Variants in DGKH observed in about 807,000 individuals in gnomAD.
DGKH encodes the protein DAG kinase eta.
DGKH carries 90 observed loss-of-function variants against 159.3 expected under a neutral mutation model. The ratio of observed to expected loss-of-function variants is 0.57; its 90% CI spans 0.48 to 0.67. DGKH has a LOEUF of 0.67. DGKH is among the 30% of genes least tolerant of loss of function. DGKH has a pLI of 0.00. For synonymous variants in DGKH, 536 were observed against 553.8 expected, an observed-to-expected ratio of 0.97 and a Z score of 0.45; for missense variants, 1,181 against 1,506.1, an observed-to-expected ratio of 0.78 and a Z score of 3.57.
chr13:42,175,964 A>G (rs1381402628), intron 12 of DGKH, among the ~76,000 whole-genome samples: 3 of 152,256 alleles, frequency 2.0e-5, no homozygotes, highest in Non-Finnish European at 4.4e-5. Flanking sequence ...GGGTAAATAT[A>G]TACAGAGTGC....
chr13:42,181,441 T>C, intron 13 of DGKH: 1 of 155,588 alleles, frequency 6.4e-6, no homozygotes. Context: ...AAGCTGATTT[T>C]CCATGTCTTC....
chr13:42,104,902 T>A (rs1954718608), intron 1 of DGKH, among the ~76,000 whole-genome samples: 1 of 152,128 alleles, frequency 6.6e-6, no homozygotes, highest in African/African-American at 2.4e-5. Context: ...AGTAAAGCAA[T>A]ATTACTTTTT....
intron 30 of DGKH, among the ~76,000 whole-genome samples, chr13:42,253,802 T>C (rs916555019): frequency 3.9e-5 from 6 of 152,256 alleles, no homozygotes; most frequent in Non-Finnish European, 8.8e-5. Context: ...GGAAAGGTGG[T>C]ACAAATCTGC....
chr13:42,236,114 C>T lies in DGKH; in HGVS notation c.*6926C>T, dbSNP rs1958408116. On this transcript the variant is annotated 3_prime_UTR_variant, in exon 30 of 30. Coordinates refer to ENST00000337343, the MANE Select transcript of DGKH (RefSeq NM_178009.5). ...CTATGTGAGGCAGTGCTGGTGTCAGCAAAGTCAGTAACAGACAGTATTACT... is the reference window on the plus strand; with the variant it reads ...CTATGTGAGGCAGTGCTGGTGTCAGTAAAGTCAGTAACAGACAGTATTACT... 6.6e-6 allele frequency: 1 copy of T among 152,170 alleles called. No homozygotes were observed. The highest frequency in any genetic ancestry group is 1.5e-5 in the Non-Finnish European group (1 of 68,016). 9.4% of individuals were successfully genotyped at this position (152,170 alleles called of 1,614,324 possible).
chr13:42,192,583 TC>T (rs1156615048), intron 16 of DGKH, among the ~76,000 whole-genome samples: 45 of 98,790 alleles, frequency 4.6e-4, no homozygotes, highest in South Asian at 2.2e-3. Context: ...TCCTTCTTCT[TC>T]TTTTTCCTCT....
intron 3 of DGKH, among the ~76,000 whole-genome samples, chr13:42,143,749 C>T (rs1488394639): frequency 1.3e-5 from 2 of 151,902 alleles, no homozygotes; most frequent in African/African-American, 4.8e-5. Flanking sequence ...GGTGATATCC[C>T]CTTTATCATT....
Position 42,065,735 on chromosome 13 carries a change from C to T in DGKH, c.192+16770C>T, listed in dbSNP as rs183504467. Among the ~76,000 whole-genome samples, 5 of 152,048 alleles carry T rather than the reference C, an allele frequency of 3.3e-5. 1 individual carries two copies. Among genetic ancestry groups the T allele is most frequent in the Admixed American group, 1.3e-4 (2 of 15,284 alleles). ...GAAATACTTGGGTGAGGAAGGAGGC[C>T]GGGGTCCCATCGGAGTAAGTAAGGG... On this transcript the variant is annotated intron_variant, in intron 1 of 29. Coordinates refer to ENST00000337343, the MANE Select transcript of DGKH (RefSeq NM_178009.5).
At chr13:42,207,691 G>GTATATA (rs1491101368) in intron 21 of DGKH, among the ~76,000 whole-genome samples, 40 of 5,350 alleles carry the variant, frequency 7.5e-3, no homozygotes, top group African/African-American at 0.01. Context: ...AATTATTAAA[G>GTATATA]TGTGTATATA....
At chr13:42,204,015 G>A (rs1449784319) in intron 20 of DGKH, among the ~76,000 whole-genome samples, 2 of 152,026 alleles carry the variant, frequency 1.3e-5, no homozygotes, top group African/African-American at 2.4e-5. Context: ...TGGACATTAA[G>A]CATTTAGATT....
intron 11 of DGKH, among the ~76,000 whole-genome samples, chr13:42,173,250 C>T (rs1956509428): frequency 6.6e-6 from 1 of 152,140 alleles, no homozygotes; most frequent in Non-Finnish European, 1.5e-5. Context: ...GGATTACAGG[C>T]ATGAGGCACC....
intron 2 of DGKH, among the ~76,000 whole-genome samples, chr13:42,129,184 A>G (rs1416680811): frequency 3.3e-5 from 5 of 152,192 alleles, no homozygotes; most frequent in Non-Finnish European, 7.3e-5. Flanking sequence ...CCTGGAAACA[A>G]TGATATTGCC....
At chr13:42,108,900 C>T (rs537226206) in intron 1 of DGKH, among the ~76,000 whole-genome samples, 2 of 152,046 alleles carry the variant, frequency 1.3e-5, no homozygotes, top group African/African-American at 2.4e-5. Flanking sequence ...TTTTTTAAAG[C>T]GGTTTTGTCA....
chr13:42,152,567 C>T (rs1367991529), intron 3 of DGKH, among the ~76,000 whole-genome samples: 1 of 150,330 alleles, frequency 6.7e-6, no homozygotes, highest in African/African-American at 2.4e-5. Context: ...CACATGAAGC[C>T]TTTCTTGGTG....
At chr13:42,116,515 GCACTTTA>G (rs1954972127) in intron 1 of DGKH, among the ~76,000 whole-genome samples, 1 of 152,122 alleles carries the variant, frequency 6.6e-6, no homozygotes. Flanking sequence ...ACTGACCTTT[GCACTTTA>G]CACACCTGTT....
chr13:42,138,893 TTAAAACTGA>T, intron 3 of DGKH, among the ~76,000 whole-genome samples: 1 of 152,314 alleles, frequency 6.6e-6, no homozygotes, highest in African/African-American at 2.4e-5. Flanking sequence ...TTTTTGCCTT[TTAAAACTGA>T]TTTAAGTACA....
intron 1 of DGKH, among the ~76,000 whole-genome samples, chr13:42,052,197 A>G (rs1367722695): frequency 1.3e-5 from 2 of 152,172 alleles, no homozygotes; most frequent in African/African-American, 4.8e-5. Flanking sequence ...TGCTTTTGAA[A>G]TCAGTGTGGC....
At chr13:42,188,263 A>G (rs563015105) in intron 14 of DGKH, among the ~76,000 whole-genome samples, 2 of 152,218 alleles carry the variant, frequency 1.3e-5, no homozygotes, top group Non-Finnish European at 2.9e-5. Context: ...TATGGAGATG[A>G]AAAGTATATT....
downstream of DGKH, among the ~76,000 whole-genome samples, chr13:42,245,002 T>A (rs1372696261): frequency 6.7e-6 from 1 of 150,164 alleles, no homozygotes; most frequent in African/African-American, 2.5e-5. Context: ...GAAGGAATGC[T>A]TGAGGGACTG....
chr13:42,153,070 T>C (rs1382458266), intron 3 of DGKH, among the ~76,000 whole-genome samples: 1 of 152,150 alleles, frequency 6.6e-6, no homozygotes, highest in African/African-American at 2.4e-5. Flanking sequence ...AAAACGTAAC[T>C]GTATTAAGTG....
Sources: allele counts gnomAD v4.1 joint callset (sites outside exome capture counted in the v4.1 genomes callset), GRCh38; gene constraint gnomAD v4.1.1; transcripts MANE v1.5; gene names NCBI Gene and HGNC (gene_info 2026-07-23, HGNC 2026-07-21).